The following WDR44 variants were observed in gnomAD, a reference collection of about 807,000 sequenced individuals.
The protein encoded by WDR44 is WD repeat domain 44, also known as WD repeat-containing protein 44.
Under a neutral mutation model 65.7 loss-of-function variants are expected in WDR44, and 9 were observed. That is an observed-to-expected ratio of 0.14 (90% CI 0.08 to 0.24). The LOEUF is 0.24. Ranked by LOEUF, WDR44 falls within the 10% of genes least tolerant of loss-of-function variation. WDR44 has a pLI of 1.00. For missense variants in WDR44, 425 were observed against 670.9 expected (o/e 0.63, Z 4.05); for synonymous variants, 220 against 235.2 (o/e 0.94, Z 0.59).
At chrX:118,433,002 G>A (rs1369879834) in intron 13 of WDR44, 108 bp downstream of exon 13, 3 of 625,592 alleles carry the variant, frequency 4.8e-6, no homozygotes, top group Non-Finnish European at 7.5e-6. Flanking sequence ...TTTGTCTTAA[G>A]GCCTTCAACT....
At chrX:118,385,905 C>T (rs1189038265) in intron 2 of WDR44, among the ~76,000 whole-genome samples, 1 of 110,235 alleles carries the variant, frequency 9.1e-6, no homozygotes, top group African/African-American at 3.3e-5. Context: ...GGCCTTGGTA[C>T]TGTTTGGATT....
At chrX:118,371,843 G>A (rs959905837) in intron 1 of WDR44, among the ~76,000 whole-genome samples, 3 of 110,708 alleles carry the variant, frequency 2.7e-5, no homozygotes, top group Non-Finnish European at 3.8e-5. Context: ...AAAATTTTCC[G>A]TGTGTGTGGT....
At chrX:118,390,758 T>A (rs1314237280) in intron 3 of WDR44, among the ~76,000 whole-genome samples, 1 of 112,344 alleles carries the variant, frequency 8.9e-6, no homozygotes, top group Non-Finnish European at 1.9e-5. Flanking sequence ...CTTTGTATCA[T>A]CTTTCACTTC....
intron 2 of WDR44, among the ~76,000 whole-genome samples, chrX:118,380,936 ATAG>A: frequency 8.9e-6 from 1 of 111,897 alleles, no homozygotes; most frequent in South Asian, 3.7e-4. Context: ...TAGTTAGGAA[ATAG>A]TAGGGACTAA....
At position 118,392,838 on chromosome X, in the gene WDR44, A is replaced by G; in HGVS notation, c.393A>G (p.Glu131=). 2.5e-6 allele frequency: 3 copies of G among 1,212,192 alleles called. No individual in the cohort carries two copies. The highest frequency in any genetic ancestry group is 3.3e-6 in the Non-Finnish European group (3 of 895,599). ...AGGCAGAGAGTCAGAATACATTTGA[A>G]GAGACTGAATTAGAATTAAAAAAAT... ...SQKAESQNTF[E]ETELELKKCF... Residue 131 remains glutamate, a synonymous_variant, in exon 4 of 20, where the codon GAA becomes GAG. Transcript: ENST00000254029.
At chrX:118,407,414 T>C (rs2056976542) in intron 10 of WDR44, among the ~76,000 whole-genome samples, 1 of 109,424 alleles carries the variant, frequency 9.1e-6, no homozygotes, top group African/African-American at 3.3e-5. Flanking sequence ...GGCAGGAGAA[T>C]TGCTTGAACC....
chrX:118,422,386 CCT>C (rs1165747464), intron 12 of WDR44, among the ~76,000 whole-genome samples: 1 of 109,528 alleles, frequency 9.1e-6, no homozygotes, highest in Non-Finnish European at 1.9e-5. Context: ...AGAGCAAGAC[CCT>C]GTCTCGAATA....
chrX:118,378,301 T>C, intron 1 of WDR44, 118 bp from the exon 2 acceptor site: 4 of 612,562 alleles, frequency 6.5e-6, no homozygotes, highest in Non-Finnish European at 1.0e-5. Context: ...CACAAGACTT[T>C]TCAGTCACAA....
chrX:118,352,629 G>C lies in WDR44; in HGVS notation c.77+6049G>C, dbSNP rs1428663199. Reference sequence around the variant, plus strand: ...ACCTTTACATTACCCAACACTCCATGTGTTTGTACTCTTAAGTTCATTGTT... The same window carrying C: ...ACCTTTACATTACCCAACACTCCATCTGTTTGTACTCTTAAGTTCATTGTT... On this transcript the variant is annotated intron_variant, in intron 1 of 19. Transcript: ENST00000254029. 2.7e-5 allele frequency among the ~76,000 whole-genome samples: 3 copies of C among 109,521 alleles called. No homozygotes were observed. In the East Asian group the frequency reaches 8.5e-4, roughly 31 times the overall value.
chrX:118,441,302 T>G, intron 14 of WDR44, 66 bp from the exon 15 acceptor site: 1 of 1,007,191 alleles, frequency 9.9e-7, no homozygotes, highest in African/African-American at 1.9e-5. Context: ...CTTACTGATT[T>G]GATTTGCTAA....
chrX:118,399,600 T>C (rs1385462411), intron 8 of WDR44, among the ~76,000 whole-genome samples: 1 of 111,819 alleles, frequency 8.9e-6, no homozygotes, highest in African/African-American at 3.2e-5. Context: ...ACATAGTCCA[T>C]GCACTAAAGC....
chrX:118,395,119 T>C, intron 5 of WDR44, 130 bp from the exon 6 acceptor site: 1 of 589,916 alleles, frequency 1.7e-6, no homozygotes, highest in East Asian at 3.7e-5. Flanking sequence ...TGAAACGTAA[T>C]GTTCCATTTA....
chrX:118,435,645 T>A (rs988185673), intron 13 of WDR44, among the ~76,000 whole-genome samples: 5 of 112,720 alleles, frequency 4.4e-5, no homozygotes, highest in African/African-American at 1.6e-4. Context: ...TTTTATACAG[T>A]TGGTATTAAT....
intron 2 of WDR44, among the ~76,000 whole-genome samples, chrX:118,384,327 G>A (rs961655525): frequency 8.9e-6 from 1 of 111,739 alleles, no homozygotes; most frequent in African/African-American, 3.2e-5. Flanking sequence ...ATTCTAGTGG[G>A]ACAGGGAAGA....
At chrX:118,372,758 A>G (rs2056624538) in intron 1 of WDR44, among the ~76,000 whole-genome samples, 1 of 112,007 alleles carries the variant, frequency 8.9e-6, no homozygotes, top group Non-Finnish European at 1.9e-5. Context: ...GTGGGAAGAA[A>G]GCTTTTAAAT....
At chrX:118,405,049 T>G (rs1374971177) in intron 9 of WDR44, among the ~76,000 whole-genome samples, 1 of 111,231 alleles carries the variant, frequency 9.0e-6, no homozygotes, top group Non-Finnish European at 1.9e-5. Context: ...CTTTTTTCTT[T>G]TTTTTTGAGA....
rs746328527 is a variant in WDR44, at chrX:118,409,715, G to A, written c.1672+88G>A. 12 of 942,087 alleles carry A rather than the reference G, an allele frequency of 1.3e-5. No individual in the cohort carries two copies. In the East Asian group the frequency reaches 4.0e-4, roughly 31 times the overall value. The allele number at this position is 942,087 out of a possible 1,213,427, so 77.6% of individuals were successfully genotyped here. A position where few individuals can be genotyped will look rare whatever the true frequency, so the allele number is the denominator to read the frequency against. ...TGCCCTACTTTTCTGGCAGTCATTT[G>A]CAGCAACCACTACTTATGATAATAG... On this transcript the variant is annotated intron_variant, in intron 11 of 19. Coordinates refer to ENST00000254029, the MANE Select transcript of WDR44 (RefSeq NM_019045.5).
intron 12 of WDR44, among the ~76,000 whole-genome samples, chrX:118,424,323 G>GTGTA (rs1289349202): frequency 2.0e-4 from 13 of 65,552 alleles, no homozygotes; most frequent in Non-Finnish European, 3.2e-4. Context: ...GTGTGTGTGT[G>GTGTA]TATATATATA....
rs373502091 is a variant in WDR44, at chrX:118,433,396, TA to T, written c.1851+513del. Among the ~76,000 whole-genome samples the T allele has an allele frequency of 9.4e-3, 997 of 106,631 alleles. 17 individuals are homozygous for T. Among genetic ancestry groups the T allele is most frequent in the African/African-American group, 0.032 (954 of 29,527 alleles). 92.6% of individuals were successfully genotyped at this position (106,631 alleles called of 115,157 possible). On this transcript the variant is annotated intron_variant, in intron 13 of 19. Coordinates refer to ENST00000254029, the MANE Select transcript of WDR44 (RefSeq NM_019045.5). ...CTTCATGGAGGAAATATGTAATAGT[TA>T]AAAAAAAAAATTGAGAACCTGTGCA...
Sources: allele counts gnomAD v4.1 joint callset (sites outside exome capture counted in the v4.1 genomes callset), GRCh38; gene constraint gnomAD v4.1.1; transcripts MANE v1.5; gene names NCBI Gene and HGNC (gene_info 2026-07-23, HGNC 2026-07-21).